The following FOXO3B variants were observed in gnomAD, a reference collection of about 807,000 sequenced individuals.
FOXO3B encodes forkhead box O3B.
In FOXO3B, 15 loss-of-function variants were observed where a neutral mutation model predicts 21.9. That is an observed-to-expected ratio of 0.68 (90% confidence interval 0.46 to 1.05). FOXO3B has a LOEUF of 1.05. Among genes scored for constraint, FOXO3B ranks in the 50% least tolerant of loss-of-function variants. The pLI, the probability that FOXO3B is intolerant of heterozygous loss-of-function variation, is 0.00. For synonymous variants in FOXO3B, 135 were observed against 213.6 expected, an observed-to-expected ratio of 0.63 and a Z score of 3.21; for missense variants, 293 against 435.5, an observed-to-expected ratio of 0.67 and a Z score of 2.91.
chr17:18,669,186 T>C lies in FOXO3B; in HGVS notation c.*3123A>G, dbSNP rs2032318638. Reference sequence around the variant, plus strand: ...CCACCAATATCACCCCCAGAGGAGTTATAAAGCCAAGGCGCACAAGGGGGC... The same window carrying C: ...CCACCAATATCACCCCCAGAGGAGTCATAAAGCCAAGGCGCACAAGGGGGC... On this transcript the variant is annotated 3_prime_UTR_variant, in exon 4 of 4. Transcript: ENST00000395675. 1 of 139,018 alleles carries C rather than the reference T, an allele frequency of 7.2e-6. No homozygotes were observed. Among genetic ancestry groups the C allele is most frequent in the African/African-American group, 2.8e-5 (1 of 35,500 alleles). The allele number at this position is 139,018 out of a possible 1,614,324, so 8.6% of individuals were successfully genotyped here.
At chr17:18,678,932 C>T (rs1349563640) in intron 3 of FOXO3B, among the ~76,000 whole-genome samples, 6 of 151,814 alleles carry the variant, frequency 4.0e-5, no homozygotes, top group Non-Finnish European at 8.8e-5. Flanking sequence ...GGGCCTAATA[C>T]CCCATTAGAG....
rs1447253880 is a variant in FOXO3B, at chr17:18,672,978, C to T, written c.204G>A (p.Pro68=). 3.4e-6 allele frequency: 5 copies of T among 1,485,650 alleles called. No homozygotes were observed. The highest frequency in any genetic ancestry group is 4.4e-6 in the Non-Finnish European group (5 of 1,123,606). The allele number at this position is 1,485,650 out of a possible 1,614,324, so 92.0% of individuals were successfully genotyped here. ...GGGTTCTCGCGCTCTCCTCTCGCGC[C>T]GGGGCGGGGTGCAGCGGGGGAGGGA... ...VHVPPPLHPA[P]AREESARTPA... is the part of the protein sequence containing the mutation. Residue 68 remains proline (P), a synonymous_variant, in exon 4 of 4, where the codon CCG becomes CCA. Coordinates refer to ENST00000395675, the MANE Select transcript of FOXO3B (RefSeq NM_001368135.1). This position sits in a 1 kb window ranked among gnomAD's most constrained non-coding sequence, Gnocchi z 4.2.
intron 3 of FOXO3B, 84 bp from the exon 4 acceptor site, chr17:18,673,139 G>A: frequency 2.9e-6 from 4 of 1,386,972 alleles, no homozygotes; most frequent in South Asian, 1.4e-5. Flanking sequence ...GCCCGCTGCC[G>A]CCACCTCCCA....
Position 18,670,926 on chromosome 17 carries a change from G to A in FOXO3B, c.*1383C>T. On this transcript the variant is annotated 3_prime_UTR_variant, in exon 4 of 4. Transcript: ENST00000395675. Reference sequence around the variant, plus strand: ...CCTTCAGCCTGGCACCCAGCTCTGAGATGAGGCCTGCTTAGCACCAGTGAA... The same window carrying A: ...CCTTCAGCCTGGCACCCAGCTCTGAAATGAGGCCTGCTTAGCACCAGTGAA... The A allele has an allele frequency of 6.6e-7, 1 of 1,507,064 alleles. No individual in the cohort carries two copies. The highest frequency in any genetic ancestry group is 8.9e-7 in the Non-Finnish European group (1 of 1,123,584). The allele number at this position is 1,507,064 out of a possible 1,614,324, so 93.4% of individuals were successfully genotyped here. A position where few individuals can be genotyped will look rare whatever the true frequency, so the allele number is the denominator to read the frequency against.
At chr17:18,674,350 A>G (rs535767559) in intron 3 of FOXO3B, among the ~76,000 whole-genome samples, 33 of 151,402 alleles carry the variant, frequency 2.2e-4, no homozygotes, top group Non-Finnish European at 4.3e-4. Flanking sequence ...TTATTGCTGG[A>G]CGCAGTGGCT....
Position 18,671,850 on chromosome 17 carries a change from G to C in FOXO3B, c.*459C>G. 6.2e-7 allele frequency: 1 copy of C among 1,612,632 alleles called. No homozygotes were observed. The highest frequency in any genetic ancestry group is 1.7e-5 in the Admixed American group (1 of 59,940). On this transcript the variant is annotated 3_prime_UTR_variant, in exon 4 of 4. Coordinates refer to ENST00000395675, the MANE Select transcript of FOXO3B (RefSeq NM_001368135.1). ...GTAGCAGTTCCACCGTGCACGGCTT[G>C]CTTACTGAAGGTGACAGGCTCGCTG... is the stretch of plus-strand genomic sequence containing the variant.
chr17:18,680,927 C>T (rs2032573588), intron 2 of FOXO3B, 98 bp from the exon 3 acceptor site: 14 of 1,254,790 alleles, frequency 1.1e-5, no homozygotes, highest in Non-Finnish European at 1.6e-5. Context: ...GTGCTGCCTA[C>T]AAACACTGAG....
intron 3 of FOXO3B, among the ~76,000 whole-genome samples, chr17:18,676,706 G>GC (rs2032490479): frequency 7.0e-6 from 1 of 143,388 alleles, no homozygotes; most frequent in Non-Finnish European, 1.5e-5. Context: ...TTTGCTTTTT[G>GC]TTTTTTTTTT....
Position 18,680,735 on chromosome 17 carries a change from A to G in FOXO3B, c.126+6T>C. Reference sequence around the variant, plus strand: ...TGTAATTCCAATAATCAGCAGACTCACTCACCTGGGATCTGGCCGTGAGGC... The same window carrying G: ...TGTAATTCCAATAATCAGCAGACTCGCTCACCTGGGATCTGGCCGTGAGGC... On this transcript the variant is annotated splice_donor_region_variant and intron_variant, in intron 3 of 3. Transcript: ENST00000395675. The G allele has an allele frequency of 6.2e-7, 1 of 1,613,810 alleles. No individual in the cohort carries two copies. Among genetic ancestry groups the G allele is most frequent in the South Asian group, 1.1e-5 (1 of 91,052 alleles).
At chr17:18,677,911 C>CAAAAAAAAAAAAAAAA (rs57669387) in intron 3 of FOXO3B, among the ~76,000 whole-genome samples, 1 of 92,702 alleles carries the variant, frequency 1.1e-5, no homozygotes, top group African/African-American at 4.1e-5. Flanking sequence ...GTTGGAAAAG[C>CAAAAAAAAAAAAAAAA]AAAAAAAAAA....
intron 3 of FOXO3B, chr17:18,677,161 T>G (rs1597496759): frequency 1.0e-6 from 1 of 964,870 alleles, no homozygotes; most frequent in Non-Finnish European, 1.5e-6. Flanking sequence ...CTGCTGGGAA[T>G]GTAATTGGTA....
At chr17:18,679,342 A>G (rs185614297) in intron 3 of FOXO3B, among the ~76,000 whole-genome samples, 27 of 152,038 alleles carry the variant, frequency 1.8e-4, no homozygotes, top group Non-Finnish European at 3.2e-4. Context: ...AATGTGCAGT[A>G]TCTACTTTTT....
chr17:18,672,362 T>G lies in FOXO3B; in HGVS notation c.820A>C (p.Ser274Arg), dbSNP rs55797270. 0.39 allele frequency: 624,149 copies of G among 1,606,812 alleles called. 123,614 individuals are homozygous for G. Among genetic ancestry groups the G allele is most frequent in the African/African-American group, 0.54 (40,494 of 74,422 alleles). The change falls in exon 4 of 4, where the codon AGT becomes CGT. Residue 274 changes from serine (S) to arginine (R), a missense_variant. Ser to Arg is a moderately radical substitution (Grantham distance 110, BLOSUM62 -1). Transcript: ENST00000395675. The surrounding 1 kb of genome is among the most constrained non-coding windows in gnomAD (Gnocchi z 4.2). ...TTATCCTTGAAGTAGGGCACGCAAC[T>G]CACCATCCACTCGTAGATCTGGGAC... is the stretch of plus-strand genomic sequence containing the variant. ...TLSQIYEWMV[S>R]CVPYFKDKGN...
intron 3 of FOXO3B, among the ~76,000 whole-genome samples, chr17:18,673,492 C>T (rs370455085): frequency 2.0e-5 from 3 of 152,186 alleles, no homozygotes; most frequent in African/African-American, 7.2e-5. Context: ...GTAGATATAA[C>T]CTACATAAAT....
intron 3 of FOXO3B, among the ~76,000 whole-genome samples, chr17:18,673,790 T>C (rs1381583137): frequency 6.6e-6 from 1 of 151,784 alleles, no homozygotes; most frequent in Non-Finnish European, 1.5e-5. Flanking sequence ...GAATGAAGTA[T>C]ATGAGGGCAA....
chr17:18,677,270 C>G (rs2032505458), intron 3 of FOXO3B: 3 of 1,612,374 alleles, frequency 1.9e-6, no homozygotes, highest in Non-Finnish European at 2.5e-6. Flanking sequence ...AAGGTCTGTT[C>G]CGCATGAAAC....
At position 18,681,856 on chromosome 17, in the gene FOXO3B, CG is replaced by C; in HGVS notation, c.-195-11del. On this transcript the variant is annotated splice_polypyrimidine_tract_variant and intron_variant, in intron 1 of 3. Coordinates refer to ENST00000395675, the MANE Select transcript of FOXO3B (RefSeq NM_001368135.1). ...CCTACGGCGCTGGAGCCTGGAAGCC[CG>C]GGGACAGCATCCCTGAGGCTGGGTC... 1.7e-6 allele frequency: 1 copy of C among 603,750 alleles called. No homozygotes were observed. 37.4% of individuals were successfully genotyped at this position (603,750 alleles called of 1,614,324 possible).
intron 3 of FOXO3B, among the ~76,000 whole-genome samples, chr17:18,679,419 C>A (rs1473006149): frequency 1.3e-5 from 2 of 149,314 alleles, no homozygotes; most frequent in African/African-American, 5.0e-5. Flanking sequence ...GTATGCCACA[C>A]ACATCATGGA....
In FOXO3B at chr17:18,671,349, C is replaced by T. The variant is rs1473174885; in HGVS notation, c.*960G>A. 6.2e-7 allele frequency: 1 copy of T among 1,613,760 alleles called. No homozygotes were observed. The highest frequency in any genetic ancestry group is 1.3e-5 in the African/African-American group (1 of 74,966). Reference sequence around the variant, plus strand: ...GAGCAAGTTCTGATTGACCACACTTCCCTGGTTAGGCTGGGCAGCAAAGGA... The same window carrying T: ...GAGCAAGTTCTGATTGACCACACTTTCCTGGTTAGGCTGGGCAGCAAAGGA... On this transcript the variant is annotated 3_prime_UTR_variant, in exon 4 of 4. Transcript: ENST00000395675.
Sources: allele counts gnomAD v4.1 joint callset (sites outside exome capture counted in the v4.1 genomes callset), GRCh38; gene constraint gnomAD v4.1.1; non-coding constraint Gnocchi (gnomAD v3.1); transcripts MANE v1.5; gene names NCBI Gene and HGNC (gene_info 2026-07-23, HGNC 2026-07-21).